Variants in XRCC2 observed in about 807,000 individuals in gnomAD.
XRCC2 encodes the protein X-ray repair cross complementing 2.
In XRCC2, 24 loss-of-function variants were observed where a neutral mutation model predicts 27.3. The observed-to-expected ratio is 0.88, with a 90% CI of 0.64 to 1.24. The LOEUF is 1.24. XRCC2 is among the 50% of genes most tolerant of loss of function. The pLI is 0.00. For synonymous variants in XRCC2, 106 were observed against 115.4 expected, an observed-to-expected ratio of 0.92 and a Z score of 0.52; for missense variants, 321 against 325.8, an observed-to-expected ratio of 0.99 and a Z score of 0.11.
intron 2 of XRCC2, among the ~76,000 whole-genome samples, chr7:152,656,638 A>G (rs535058066): frequency 5.7e-4 from 87 of 152,334 alleles, no homozygotes; most frequent in African/African-American, 2.0e-3. Flanking sequence ...GTGTTTTTCA[A>G]CGTTTCTATA....
intron 2 of XRCC2, among the ~76,000 whole-genome samples, chr7:152,656,745 G>A (rs568463455): frequency 6.6e-6 from 1 of 152,258 alleles, no homozygotes; most frequent in Admixed American, 6.5e-5. Flanking sequence ...CTTACAGAGA[G>A]AGTACAAAGA....
chr7:152,655,014 G>A (rs1038186856), intron 2 of XRCC2, among the ~76,000 whole-genome samples: 3 of 152,160 alleles, frequency 2.0e-5, no homozygotes, highest in African/African-American at 7.2e-5. Flanking sequence ...CCTTTTCAAT[G>A]TACTTGAAGT....
intron 2 of XRCC2, among the ~76,000 whole-genome samples, chr7:152,650,227 C>A (rs1159755165): frequency 6.6e-6 from 1 of 152,242 alleles, no homozygotes; most frequent in Admixed American, 6.5e-5. Flanking sequence ...TAAATGCCAA[C>A]AGCATCCTTC....
intron 2 of XRCC2, among the ~76,000 whole-genome samples, chr7:152,655,212 C>T (rs183855048): frequency 7.2e-5 from 11 of 152,240 alleles, no homozygotes. Context: ...GTTTGGGTAA[C>T]AGATTGTCAG....
rs1311943591 is a variant in XRCC2, at chr7:152,673,327, C to T, written c.39+2714G>A. ...CCTCCCAAGTAGCTGGGATTACAGGCGCCCACCACCACACCCAGCTAATTT... is the reference window on the plus strand; with the variant it reads ...CCTCCCAAGTAGCTGGGATTACAGGTGCCCACCACCACACCCAGCTAATTT... On this transcript the variant is annotated intron_variant, in intron 1 of 2. Transcript: ENST00000359321. Among the ~76,000 whole-genome samples the T allele has an allele frequency of 3.3e-5, 5 of 151,848 alleles. No homozygotes were observed. In the South Asian group the frequency reaches 6.2e-4, roughly 19 times the overall value.
At chr7:152,663,382 T>A (rs1431971124) in intron 1 of XRCC2, among the ~76,000 whole-genome samples, 4 of 128,128 alleles carry the variant, frequency 3.1e-5, no homozygotes, top group Non-Finnish European at 7.0e-5. Context: ...AAGACTGCTT[T>A]TACTAAATCA....
At chr7:152,652,139 G>C (rs1348537339) in intron 2 of XRCC2, among the ~76,000 whole-genome samples, 1 of 150,646 alleles carries the variant, frequency 6.6e-6, no homozygotes, top group African/African-American at 2.4e-5. Context: ...CTCTAGCCCA[G>C]ACAACAGAGG....
rs2098027554 is a variant in XRCC2 at position 152,649,381 on chromosome 7, A to C, written c.122-18T>G. Reference sequence around the variant, plus strand: ...AATATCACCTGTGTAAAATTTAAAAATCTCAGTCAAAATGCAGTAGCTCAA... The same window carrying C: ...AATATCACCTGTGTAAAATTTAAAACTCTCAGTCAAAATGCAGTAGCTCAA... On this transcript the variant is annotated intron_variant, in intron 2 of 2. Transcript: ENST00000359321. 6.5e-7 allele frequency: 1 copy of C among 1,537,292 alleles called. No individual in the cohort carries two copies.
intron 2 of XRCC2, among the ~76,000 whole-genome samples, chr7:152,656,334 G>A (rs2098030696): frequency 2.0e-5 from 3 of 152,102 alleles, no homozygotes; most frequent in African/African-American, 7.2e-5. Flanking sequence ...GACCAGCCTG[G>A]CCAATATGGT....
At chr7:152,670,179 A>G (rs1357118077) in intron 1 of XRCC2, among the ~76,000 whole-genome samples, 1 of 152,110 alleles carries the variant, frequency 6.6e-6, no homozygotes, top group Non-Finnish European at 1.5e-5. Flanking sequence ...TAAATTCCCT[A>G]CTGAATGAAT....
chr7:152,648,677 A>C lies in XRCC2; in HGVS notation c.808T>G (p.Phe270Val), dbSNP rs145085742. ...TCAACCCCACTTTCTCCAATAATAA[A>C]AAAATGTTTTTTTAAACTGTTACTT... is the stretch of plus-strand genomic sequence containing the variant. Reference protein sequence around the residue: ...LKSNSLKKHFFIIGESGVEFC With the variant: ...LKSNSLKKHFVIIGESGVEFC The change falls in exon 3 of 3, where the codon TTT becomes GTT. Residue 270 changes from phenylalanine (F) to valine (V), a missense_variant. Coordinates refer to ENST00000359321, the MANE Select transcript of XRCC2 (RefSeq NM_005431.2). The C allele has an allele frequency of 3.6e-4, 578 of 1,608,224 alleles. 2 individuals carry two copies. The African/African-American group carries it at 6.9e-3, about 19-fold the overall frequency.
chr7:152,658,440 C>A (rs1159463083), intron 2 of XRCC2, among the ~76,000 whole-genome samples: 1 of 152,232 alleles, frequency 6.6e-6, no homozygotes, highest in African/African-American at 2.4e-5. Flanking sequence ...GTGTGAGCCA[C>A]CGTGCCTGGT....
At chr7:152,674,573 T>C (rs1395452936) in intron 1 of XRCC2, among the ~76,000 whole-genome samples, 1 of 150,398 alleles carries the variant, frequency 6.6e-6, no homozygotes, top group Non-Finnish European at 1.5e-5. Context: ...GATGGCACCA[T>C]TGCACTCCAG....
chr7:152,661,967 CTTCTTT>C (rs1554411797), intron 1 of XRCC2, among the ~76,000 whole-genome samples: 1 of 152,074 alleles, frequency 6.6e-6, no homozygotes, highest in Non-Finnish European at 1.5e-5. Context: ...ATATTATCCA[CTTCTTT>C]TTCTTTTTTG....
rs1335348729 is a variant in XRCC2, at chr7:152,647,593, C to A, written c.*1049G>T. ...TTTGTATATGGCATAAGGAAGGCGTCCATTTTCAATCTTTTCCATATGGCT... is the reference window on the plus strand; with the variant it reads ...TTTGTATATGGCATAAGGAAGGCGTACATTTTCAATCTTTTCCATATGGCT... On this transcript the variant is annotated 3_prime_UTR_variant, in exon 3 of 3. Transcript: ENST00000359321. 1 of 152,134 alleles carries A rather than the reference C, an allele frequency of 6.6e-6. No homozygotes were observed. The allele number at this position is 152,134 out of a possible 1,614,324, so 9.4% of individuals were successfully genotyped here. A position where few individuals can be genotyped will look rare whatever the true frequency, so the allele number is the denominator to read the frequency against.
At chr7:152,654,733 T>G (rs1590131964) in intron 2 of XRCC2, among the ~76,000 whole-genome samples, 1 of 135,836 alleles carries the variant, frequency 7.4e-6, no homozygotes, top group Non-Finnish European at 1.7e-5. Flanking sequence ...GGCAAAGAAG[T>G]TGAAGGTTAA....
intron 2 of XRCC2, among the ~76,000 whole-genome samples, chr7:152,657,273 T>C (rs1467675696): frequency 6.6e-6 from 1 of 151,934 alleles, no homozygotes; most frequent in Non-Finnish European, 1.5e-5. Context: ...GTTTTTGTAT[T>C]TGTAACTGTT....
chr7:152,648,695 T>G lies in XRCC2; in HGVS notation c.790A>C (p.Ser264Arg). Residue 264 changes from serine to arginine, a missense_variant, in exon 3 of 3, where the codon AGT becomes CGT. Ser to Arg is a moderately radical substitution (Grantham distance 110). Transcript: ENST00000359321. ...SLVSRCLKSN[S>R]LKKHFFIIGE... The stretch of plus-strand genomic sequence containing the variant: ...ATAATAAAAAAATGTTTTTTTAAAC[T>G]GTTACTTTTTAAACAACGTGAAACT... 1 of 1,607,872 alleles carries G rather than the reference T, an allele frequency of 6.2e-7. No homozygotes were observed. Among genetic ancestry groups the G allele is most frequent in the Middle Eastern group, 1.7e-4 (1 of 6,020 alleles).
chr7:152,668,040 AAAG>A (rs2098036706), intron 1 of XRCC2, among the ~76,000 whole-genome samples: 1 of 152,036 alleles, frequency 6.6e-6, no homozygotes, highest in Non-Finnish European at 1.5e-5. Flanking sequence ...AAAAAAAAAA[AAAG>A]AAACTTCTAA....
Sources: allele counts gnomAD v4.1 joint callset (sites outside exome capture counted in the v4.1 genomes callset), GRCh38; gene constraint gnomAD v4.1.1; transcripts MANE v1.5; gene names NCBI Gene and HGNC (gene_info 2026-07-23, HGNC 2026-07-21).